AARSD1: variants seen among roughly 807,000 people sequenced by gnomAD.
AARSD1 encodes alanyl-tRNA synthetase domain containing 1.
In AARSD1, 44 loss-of-function variants were observed where a neutral mutation model predicts 48.7. That is an observed-to-expected ratio of 0.90 (90% CI 0.71 to 1.16). The LOEUF (loss-of-function observed/expected upper bound fraction) is 1.16, where lower values mean the gene tolerates loss of function less well. Among genes scored for constraint, AARSD1 ranks in the 50% most tolerant of loss-of-function variants. The probability of loss-of-function intolerance (pLI) is 0.00; values close to 1 mark genes in which losing one functional copy is unlikely to be tolerated. For synonymous variants in AARSD1, 189 were observed against 194.9 expected (o/e 0.97, Z 0.25); for missense variants, 511 against 523.1 (o/e 0.98, Z 0.23).
chr17:42,961,008 T>C (rs2151943144), intron 3 of AARSD1, 184 bp downstream of exon 3: 1 of 994,724 alleles, frequency 1.0e-6, no homozygotes. Flanking sequence ...TACTTTTTTT[T>C]ACTTCAGTTG....
At chr17:42,962,182 C>A in intron 2 of AARSD1, 1 of 274,456 alleles carries the variant, frequency 3.6e-6, no homozygotes, top group South Asian at 2.7e-5. Context: ...CACCTGTAGT[C>A]CTAGCTACTC....
chr17:42,954,443 T>A (rs1186744727), intron 9 of AARSD1, among the ~76,000 whole-genome samples: 3 of 150,784 alleles, frequency 2.0e-5, no homozygotes, highest in Non-Finnish European at 3.0e-5. Context: ...TTTTTTTTTT[T>A]ATATTTTTGA....
chr17:42,955,918 A>C lies in AARSD1; in HGVS notation c.718T>G (p.Phe240Val). Residue 240 changes from phenylalanine to valine, a missense_variant, in exon 7 of 12, where the codon TTT becomes GTT. Transcript: ENST00000427569. ...TTCAGCACCCGGTTCCCAGACAGAA[A>C]TATCAGGTTGGTTCTGTTCTTTTTC... Reference protein sequence around the residue: ...KGKKNRTNLIFLSGNRVLKWM... With the variant: ...KGKKNRTNLIVLSGNRVLKWM... 2.5e-6 allele frequency: 4 copies of C among 1,614,118 alleles called. No individual in the cohort carries two copies. The highest frequency in any genetic ancestry group is 3.4e-6 in the Non-Finnish European group (4 of 1,180,026).
chr17:42,953,880 A>G, intron 9 of AARSD1, 102 bp from the exon 10 acceptor site: 4 of 1,446,896 alleles, frequency 2.8e-6, no homozygotes, highest in Non-Finnish European at 3.9e-6. Flanking sequence ...CTGCCTATGT[A>G]CACATAAAGT....
At chr17:42,951,546 T>C (rs2049478748) in intron 11 of AARSD1, among the ~76,000 whole-genome samples, 1 of 151,920 alleles carries the variant, frequency 6.6e-6, no homozygotes. Context: ...TAAGACTCCA[T>C]CTCAAAAAAC....
intron 3 of AARSD1, chr17:42,960,792 G>T (rs1444052824): frequency 6.2e-6 from 1 of 160,026 alleles, no homozygotes; most frequent in East Asian, 1.9e-4. Flanking sequence ...GCCTGAAGAG[G>T]TATCTGGAAT....
rs982804130 is a variant in AARSD1, at chr17:42,952,021, T to C, written c.1009-127A>G. The C allele has an allele frequency of 5.5e-6, 6 of 1,087,312 alleles. No homozygotes were observed. The African/African-American group carries it at 7.9e-5, about 14-fold the overall frequency. The allele number at this position is 1,087,312 out of a possible 1,614,324, so 67.4% of individuals were successfully genotyped here. ...CTAAACCACCAAGTGACGCTCCTGA[T>C]GAATGATGATACAGCCCCTCCACAC... is the stretch of plus-strand genomic sequence containing the variant. On this transcript the variant is annotated intron_variant, in intron 10 of 11. Transcript: ENST00000427569.
intron 1 of AARSD1, 36 bp downstream of exon 1, chr17:42,964,366 C>A: frequency 1.9e-6 from 3 of 1,562,564 alleles, no homozygotes; most frequent in South Asian, 1.2e-5. Context: ...GCCTTGCCGG[C>A]CCGGCAGTCT....
chr17:42,955,050 TCACTCC>T lies in AARSD1; in HGVS notation c.862-89_862-84del, dbSNP rs905087393. The T allele has an allele frequency of 1.2e-5, 19 of 1,610,824 alleles. 1 individual carries two copies. In the South Asian group the frequency reaches 1.5e-4, roughly 13 times the overall value. Reference sequence around the variant, plus strand: ...AGCTTCCCTCCACCTCATTCTCCCCTCACTCCCACTTTGACAAACTACACATCTGTT... The same window carrying T: ...AGCTTCCCTCCACCTCATTCTCCCCTCACTTTGACAAACTACACATCTGTT... On this transcript the variant is annotated intron_variant, in intron 8 of 11. Transcript: ENST00000427569.
At position 42,961,294 on chromosome 17, in the gene AARSD1, C is replaced by G. The variant is rs1366824962; in HGVS notation, c.229G>C (p.Glu77Gln). The G allele has an allele frequency of 6.2e-7, 1 of 1,614,148 alleles. No individual in the cohort carries two copies. The highest frequency in any genetic ancestry group is 8.5e-7 in the Non-Finnish European group (1 of 1,180,042). The change falls in exon 3 of 12, where the codon GAA (glutamate) becomes CAA (glutamine). Residue 77 changes from glutamate (E) to glutamine (Q), a missense_variant. Physicochemically the swap from Glu to Gln is conservative, Grantham distance 29. Transcript: ENST00000427569. Reference sequence around the variant, plus strand: ...GTCTGGGTGAAATGATCAGCCTGTTCCCCACGGCGAGTCACTCTCAGCACA... The same window carrying G: ...GTCTGGGTGAAATGATCAGCCTGTTGCCCACGGCGAGTCACTCTCAGCACA... ...ISVLRVTRRG[E>Q]QADHFTQTPL...
rs1040639907 is a variant in AARSD1 at position 42,950,784 on chromosome 17, C to T, written c.1104-56G>A. On this transcript the variant is annotated intron_variant, in intron 11 of 11. Coordinates refer to ENST00000427569, the MANE Select transcript of AARSD1 (RefSeq NM_001261434.2). Reference sequence around the variant, plus strand: ...TTGAGGGAAAAGTCACAAAAAAAAACAAGGGCAGCTCTGAGTCTTTTTCCA... The same window carrying T: ...TTGAGGGAAAAGTCACAAAAAAAAATAAGGGCAGCTCTGAGTCTTTTTCCA... 3 of 1,563,650 alleles carry T rather than the reference C, an allele frequency of 1.9e-6. No individual in the cohort carries two copies. The African/African-American group carries it at 4.1e-5, about 21-fold the overall frequency.
intron 11 of AARSD1, among the ~76,000 whole-genome samples, chr17:42,951,496 T>A (rs1372299674): frequency 6.6e-6 from 1 of 152,166 alleles, no homozygotes; most frequent in African/African-American, 2.4e-5. Flanking sequence ...GTGGCTGCAG[T>A]GAGCTGAGTA....
At chr17:42,956,148 G>C (rs1344107653) in intron 6 of AARSD1, 56 bp downstream of exon 6, 3 of 1,612,304 alleles carry the variant, frequency 1.9e-6, no homozygotes, top group South Asian at 1.1e-5. Flanking sequence ...AGCCCCATGT[G>C]ATCCCCTCTC....
chr17:42,953,689 C>T, intron 10 of AARSD1, 35 bp downstream of exon 10: 1 of 1,614,086 alleles, frequency 6.2e-7, no homozygotes, highest in Non-Finnish European at 8.5e-7. Flanking sequence ...AGGTCTCTAT[C>T]CAGGCCGGGG....
At chr17:42,961,036 A>C in intron 3 of AARSD1, 156 bp downstream of exon 3, 3 of 1,242,932 alleles carry the variant, frequency 2.4e-6, no homozygotes, top group Non-Finnish European at 2.2e-6. Flanking sequence ...TGCTGTTATA[A>C]CATTTAGGAT....
intron 1 of AARSD1, 66 bp from the exon 2 acceptor site, chr17:42,964,303 G>A: frequency 6.2e-7 from 1 of 1,609,816 alleles, no homozygotes; most frequent in Non-Finnish European, 8.5e-7. Context: ...CTCCACACCA[G>A]GACAGAATGC....
At chr17:42,952,795 G>T (rs1256190021) in intron 10 of AARSD1, among the ~76,000 whole-genome samples, 1 of 151,962 alleles carries the variant, frequency 6.6e-6, no homozygotes, top group African/African-American at 2.4e-5. Context: ...GGCTTTCAAA[G>T]GGGCTTGCCC....
At chr17:42,959,196 C>CAAA (rs1196945159) in intron 3 of AARSD1, among the ~76,000 whole-genome samples, 26 of 59,892 alleles carry the variant, frequency 4.3e-4, no homozygotes, top group African/African-American at 6.0e-4. Flanking sequence ...GACTTTGTCT[C>CAAA]AAAAAAAAAA....
intron 10 of AARSD1, 68 bp downstream of exon 10, chr17:42,953,656 G>A: frequency 6.2e-7 from 1 of 1,608,540 alleles, no homozygotes; most frequent in East Asian, 2.2e-5. Context: ...GGCTAAACTA[G>A]CGCCCCTCAC....
Sources: gnomAD v4.1 joint callset for allele counts (sites outside exome capture counted in the v4.1 genomes callset) on GRCh38, gnomAD v4.1.1 for gene constraint, MANE v1.5 for transcripts, NCBI Gene and HGNC (gene_info 2026-07-23, HGNC 2026-07-21) for gene names.